MACROD2: variants seen among roughly 807,000 people sequenced by gnomAD.
The protein encoded by MACROD2 is ADP-ribose glycohydrolase MACROD2.
In MACROD2, 36 loss-of-function variants were observed where a neutral mutation model predicts 70.4. The ratio of observed to expected loss-of-function variants is 0.51; its 90% CI spans 0.39 to 0.68. The LOEUF (loss-of-function observed/expected upper bound fraction) is 0.68. Among genes scored for constraint, MACROD2 ranks in the 30% least tolerant of loss-of-function variants. MACROD2 has a pLI of 0.00. For synonymous variants in MACROD2, 172 were observed against 178.8 expected, an observed-to-expected ratio of 0.96 and a Z score of 0.30; for missense variants, 496 against 538.4, an observed-to-expected ratio of 0.92 and a Z score of 0.78.
chr20:14,547,594 T>C (rs920452847), intron 4 of MACROD2: 2 of 154,308 alleles, frequency 1.3e-5, no homozygotes, highest in Admixed American at 6.5e-5. Context: ...GGGACTGAGA[T>C]ACGTGAAGCA....
At chr20:16,026,131 C>T (rs915321132) in intron 15 of MACROD2, among the ~76,000 whole-genome samples, 15 of 151,718 alleles carry the variant, frequency 9.9e-5, no homozygotes, top group East Asian at 5.8e-4. Flanking sequence ...CCAGCCTGGG[C>T]GACAAGAGCA....
chr20:15,703,825 C>T (rs968812991), intron 8 of MACROD2, among the ~76,000 whole-genome samples: 1 of 152,132 alleles, frequency 6.6e-6, no homozygotes, highest in Non-Finnish European at 1.5e-5. Context: ...TCACCTCATG[C>T]CACGGAGGCT....
At chr20:14,798,403 T>C (rs990649167) in intron 5 of MACROD2, among the ~76,000 whole-genome samples, 18 of 152,106 alleles carry the variant, frequency 1.2e-4, no homozygotes, top group Admixed American at 1.2e-3. Flanking sequence ...CAGGTCTGGT[T>C]TGGGAAGATC....
At chr20:14,566,376 A>G (rs1979805595) in intron 4 of MACROD2, among the ~76,000 whole-genome samples, 1 of 151,938 alleles carries the variant, frequency 6.6e-6, no homozygotes, top group Non-Finnish European at 1.5e-5. Flanking sequence ...TCTGTGTGTT[A>G]TGATCATGCT....
intron 5 of MACROD2, among the ~76,000 whole-genome samples, chr20:15,114,580 A>G (rs2075978975): frequency 6.6e-6 from 1 of 152,192 alleles, no homozygotes; most frequent in African/African-American, 2.4e-5. Context: ...AAAAAGGAAC[A>G]CAGCTTGGCT....
intron 5 of MACROD2, among the ~76,000 whole-genome samples, chr20:14,739,480 A>G (rs1452433652): frequency 1.3e-5 from 2 of 151,898 alleles, no homozygotes; most frequent in East Asian, 1.9e-4. Flanking sequence ...AAATAAGACC[A>G]TGGACGGGAG....
intron 6 of MACROD2, among the ~76,000 whole-genome samples, chr20:15,274,558 C>T (rs2077374040): frequency 6.6e-6 from 1 of 152,242 alleles, no homozygotes; most frequent in African/African-American, 2.4e-5. Context: ...CTAACGTCCT[C>T]TGGTAGGAAG....
At chr20:15,531,962 A>G (rs2047808909) in intron 8 of MACROD2, among the ~76,000 whole-genome samples, 1 of 152,122 alleles carries the variant, frequency 6.6e-6, no homozygotes, top group African/African-American at 2.4e-5. Context: ...TTACTCTTTT[A>G]TTGTGTTCCT....
At chr20:14,794,176 C>T (rs1346203525) in intron 5 of MACROD2, among the ~76,000 whole-genome samples, 13 of 152,072 alleles carry the variant, frequency 8.5e-5, no homozygotes, top group Admixed American at 4.6e-4. Flanking sequence ...CCTTTCATTT[C>T]GTCTACTATG....
chr20:15,504,997 A>G lies in MACROD2; in HGVS notation c.645+5150A>G, dbSNP rs137856944. ...TCTGCAGCTCTGAGACCCCCTGCTC[A>G]TATCTGAAAGTTAGCCTAAGAAATG... is the stretch of plus-strand genomic sequence containing the variant. On this transcript the variant is annotated intron_variant, in intron 8 of 17. Transcript: ENST00000684519. Among the ~76,000 whole-genome samples the G allele has an allele frequency of 3.0e-3, 450 of 152,298 alleles. 1 individual carries two copies. The highest frequency in any genetic ancestry group is 9.8e-3 in the African/African-American group (408 of 41,566).
chr20:14,348,939 A>C (rs967960177), intron 3 of MACROD2, among the ~76,000 whole-genome samples: 2 of 151,948 alleles, frequency 1.3e-5, no homozygotes, highest in African/African-American at 4.8e-5. Flanking sequence ...ATGGTGGTAC[A>C]TGCCTATGGT....
intron 7 of MACROD2, among the ~76,000 whole-genome samples, chr20:15,477,438 T>C (rs546103467): frequency 3.7e-4 from 57 of 152,118 alleles, no homozygotes; most frequent in Non-Finnish European, 6.9e-4. Flanking sequence ...TTTTTTTTCA[T>C]CAGATTCTGT....
chr20:14,703,829 A>C (rs2071235861), intron 5 of MACROD2, among the ~76,000 whole-genome samples: 1 of 151,892 alleles, frequency 6.6e-6, no homozygotes, highest in South Asian at 2.1e-4. Context: ...CAGGTTCAAG[A>C]GATTCTCCTG....
intron 3 of MACROD2, among the ~76,000 whole-genome samples, chr20:14,368,629 GGTTTAC>G (rs1261449187): frequency 2.0e-5 from 3 of 151,588 alleles, no homozygotes; most frequent in East Asian, 1.9e-4. Context: ...TTCTCCTCTG[GGTTTAC>G]TTTTGTCCCT....
At chr20:15,841,667 T>C (rs6079986) in intron 8 of MACROD2, among the ~76,000 whole-genome samples, 131,602 of 152,074 alleles carry the variant, frequency 0.87, 57,229 homozygotes, top group East Asian at 0.99. Flanking sequence ...CACCAGGCCC[T>C]ACCTCCAACA....
intron 3 of MACROD2, among the ~76,000 whole-genome samples, chr20:14,088,734 C>A (rs1423567799): frequency 6.6e-6 from 1 of 152,150 alleles, no homozygotes; most frequent in Admixed American, 6.5e-5. Context: ...GCCATTTTCT[C>A]TTTTTGTGTC....
Position 14,294,015 on chromosome 20 carries a change from G to A in MACROD2, c.272-199464G>A, listed in dbSNP as rs377268170. ...ATTTGTTATGCCCAAGTCCCAAATCGGGACACATCACTAGAAAGAGGAAGC... is the reference window on the plus strand; with the variant it reads ...ATTTGTTATGCCCAAGTCCCAAATCAGGACACATCACTAGAAAGAGGAAGC... On this transcript the variant is annotated intron_variant, in intron 3 of 17. Coordinates refer to ENST00000684519, the MANE Select transcript of MACROD2 (RefSeq NM_001351661.2). Among the ~76,000 whole-genome samples, 50 of 151,828 alleles carry A rather than the reference G, an allele frequency of 3.3e-4. 1 individual carries two copies. The South Asian group carries it at 6.2e-3, about 19-fold the overall frequency.
At chr20:15,033,927 T>C (rs1476884658) in intron 5 of MACROD2, among the ~76,000 whole-genome samples, 2 of 152,160 alleles carry the variant, frequency 1.3e-5, no homozygotes, top group African/African-American at 4.8e-5. Flanking sequence ...AACGTTTTAT[T>C]AATGAATGAG....
chr20:14,064,567 A>G (rs529581664), intron 2 of MACROD2, among the ~76,000 whole-genome samples: 4 of 152,250 alleles, frequency 2.6e-5, no homozygotes, highest in African/African-American at 7.2e-5. Flanking sequence ...TGAGACCTCA[A>G]CACTTTATTA....
Sources: gnomAD v4.1 joint callset for allele counts (sites outside exome capture counted in the v4.1 genomes callset) on GRCh38, gnomAD v4.1.1 for gene constraint, MANE v1.5 for transcripts, NCBI Gene and HGNC (gene_info 2026-07-23, HGNC 2026-07-21) for gene names.